The following ADGRL3 variants were observed in gnomAD, a reference collection of about 807,000 sequenced individuals.
ADGRL3 encodes calcium-independent alpha-latrotoxin receptor 3.
Under a neutral mutation model 153.5 loss-of-function variants are expected in ADGRL3, and 62 were observed. The observed-to-expected ratio is 0.40, with a 90% CI of 0.33 to 0.50. ADGRL3 has a LOEUF of 0.50. Ranked by LOEUF, ADGRL3 falls within the 20% of genes least tolerant of loss-of-function variation. The probability of loss-of-function intolerance (pLI) is 0.47; values close to 1 mark genes in which losing one functional copy is unlikely to be tolerated. For synonymous variants in ADGRL3, 710 were observed against 672.5 expected (o/e 1.06, Z -0.86); for missense variants, 1,641 against 1,859.4 (o/e 0.88, Z 2.16).
At chr4:61,387,280 G>A (rs112455136) in intron 2 of ADGRL3, among the ~76,000 whole-genome samples, 29 of 152,132 alleles carry the variant, frequency 1.9e-4, no homozygotes, top group African/African-American at 6.5e-4. Context: ...TGGAGGCAGG[G>A]CAAGATCACA....
At chr4:61,581,405 C>T (rs1456510691) in intron 4 of ADGRL3, among the ~76,000 whole-genome samples, 1 of 151,948 alleles carries the variant, frequency 6.6e-6, no homozygotes, top group Non-Finnish European at 1.5e-5. Flanking sequence ...TTATAATCAG[C>T]AAAGAGTAAT....
At chr4:61,655,846 AC>A (rs1451368398) in intron 5 of ADGRL3, among the ~76,000 whole-genome samples, 2 of 152,186 alleles carry the variant, frequency 1.3e-5, no homozygotes, top group African/African-American at 4.8e-5. Context: ...TTCAAACGAA[AC>A]AAATAGAATG....
chr4:61,539,498 G>A (rs2148603032), intron 4 of ADGRL3, among the ~76,000 whole-genome samples: 1 of 152,338 alleles, frequency 6.6e-6, no homozygotes, highest in South Asian at 2.1e-4. Flanking sequence ...GTCCTCTACA[G>A]TTGCAAAAGT....
At chr4:61,879,744 C>T (rs1456604435) in intron 9 of ADGRL3, among the ~76,000 whole-genome samples, 3 of 151,864 alleles carry the variant, frequency 2.0e-5, no homozygotes, top group South Asian at 2.1e-4. Flanking sequence ...ATTTGAAACA[C>T]GGTCTCATTC....
chr4:61,966,729 T>C (rs545836215), intron 17 of ADGRL3, among the ~76,000 whole-genome samples: 10 of 152,154 alleles, frequency 6.6e-5, no homozygotes, highest in Admixed American at 3.9e-4. Context: ...ATTCAAAGGA[T>C]AGTCAAGACA....
At chr4:61,802,840 T>C (rs2097514674) in intron 8 of ADGRL3, among the ~76,000 whole-genome samples, 1 of 152,168 alleles carries the variant, frequency 6.6e-6, no homozygotes, top group Non-Finnish European at 1.5e-5. Context: ...TATAAAGATG[T>C]CCTTGGTGTC....
chr4:61,950,521 A>G (rs1449693574), intron 17 of ADGRL3, among the ~76,000 whole-genome samples: 1 of 152,214 alleles, frequency 6.6e-6, no homozygotes, highest in Non-Finnish European at 1.5e-5. Context: ...AATACACAAT[A>G]AGTATAACAA....
intron 17 of ADGRL3, 96 bp from the exon 18 acceptor site, chr4:61,979,467 A>G: frequency 2.1e-6 from 2 of 974,638 alleles, no homozygotes; most frequent in Non-Finnish European, 3.3e-6. Flanking sequence ...TATTTTGTGC[A>G]TTATTACTAT....
At chr4:61,607,372 G>A (rs1431152700) in intron 5 of ADGRL3, among the ~76,000 whole-genome samples, 3 of 152,154 alleles carry the variant, frequency 2.0e-5, no homozygotes, top group Non-Finnish European at 1.5e-5. Context: ...GCCAAGGTGG[G>A]CGGATTACGA....
At chr4:61,771,180 A>G (rs1237283099) in intron 8 of ADGRL3, among the ~76,000 whole-genome samples, 3 of 152,158 alleles carry the variant, frequency 2.0e-5, no homozygotes, top group Admixed American at 2.0e-4. Flanking sequence ...CTCTTACTGC[A>G]CATGTGTTAA....
intron 6 of ADGRL3, among the ~76,000 whole-genome samples, chr4:61,685,988 ATGAAT>A (rs1020230014): frequency 6.6e-6 from 1 of 151,496 alleles, no homozygotes; most frequent in African/African-American, 2.4e-5. Flanking sequence ...AGGAATCGAG[ATGAAT>A]TGAGAGCATT....
At chr4:61,385,294 C>A (rs9684510) in intron 2 of ADGRL3, 62,749 of 151,794 alleles carry the variant, frequency 0.41, 13,282 homozygotes, top group Middle Eastern at 0.5. Context: ...CTCCGGGGGC[C>A]TCTAGAATAG....
At chr4:61,374,208 A>T (rs2096575958) in intron 1 of ADGRL3, among the ~76,000 whole-genome samples, 1 of 152,136 alleles carries the variant, frequency 6.6e-6, no homozygotes, top group Admixed American at 6.5e-5. Flanking sequence ...TCCACTGCAG[A>T]TGTTTGCATT....
intron 4 of ADGRL3, among the ~76,000 whole-genome samples, chr4:61,538,216 T>C (rs1174940635): frequency 6.6e-6 from 1 of 152,186 alleles, no homozygotes. Context: ...TGGCTTCATT[T>C]CTAGGTGTTT....
chr4:61,924,931 G>T (rs943685759), intron 13 of ADGRL3, among the ~76,000 whole-genome samples: 5 of 152,098 alleles, frequency 3.3e-5, no homozygotes, highest in African/African-American at 1.2e-4. Context: ...TCCCTTGCCA[G>T]AATGTTCAGT....
chr4:61,816,517 G>T (rs2097690003), intron 9 of ADGRL3, among the ~76,000 whole-genome samples: 1 of 152,190 alleles, frequency 6.6e-6, no homozygotes, highest in Non-Finnish European at 1.5e-5. Flanking sequence ...TCCCTTGATT[G>T]AGGAGCCACA....
At position 61,794,008 on chromosome 4, in the gene ADGRL3, A is replaced by C. The variant is rs550529607; in HGVS notation, c.1400-19801A>C. Among the ~76,000 whole-genome samples, 1,222 of 152,326 alleles carry C rather than the reference A, an allele frequency of 8.0e-3. 14 individuals are homozygous for C. Among genetic ancestry groups the C allele is most frequent in the African/African-American group, 0.028 (1,155 of 41,574 alleles). On this transcript the variant is annotated intron_variant, in intron 8 of 26. Transcript: ENST00000683033. ...AATAAATCTCTAATACATAATGACCAGTACATTGAATCATTGGAAATCTAT... is the reference window on the plus strand; with the variant it reads ...AATAAATCTCTAATACATAATGACCCGTACATTGAATCATTGGAAATCTAT...
intron 1 of ADGRL3, among the ~76,000 whole-genome samples, chr4:61,208,746 C>A (rs1288668912): frequency 6.6e-6 from 1 of 152,062 alleles, no homozygotes; most frequent in Non-Finnish European, 1.5e-5. Flanking sequence ...ATTTCAAAGA[C>A]CCCAATTGAA....
At chr4:61,341,854 G>T (rs954630405) in intron 1 of ADGRL3, among the ~76,000 whole-genome samples, 2 of 152,082 alleles carry the variant, frequency 1.3e-5, no homozygotes, top group East Asian at 3.9e-4. Context: ...GTTTGGTGGA[G>T]AATACATTTG....
Sources: allele counts gnomAD v4.1 joint callset (sites outside exome capture counted in the v4.1 genomes callset), GRCh38; gene constraint gnomAD v4.1.1; transcripts MANE v1.5; gene names NCBI Gene and HGNC (gene_info 2026-07-23, HGNC 2026-07-21).